Variants in SEC31A observed in about 807,000 individuals in gnomAD.
SEC31A encodes protein transport protein Sec31A.
In SEC31A, 70 loss-of-function variants were observed where a neutral mutation model predicts 151.0. That is an observed-to-expected ratio of 0.46 (90% CI 0.38 to 0.57). SEC31A has a LOEUF of 0.57. SEC31A is among the 20% of genes least tolerant of loss of function. The pLI, the probability that SEC31A is intolerant of heterozygous loss-of-function variation, is 0.00. For missense variants in SEC31A, 1,330 were observed against 1,471.2 expected (o/e 0.90, Z 1.57); for synonymous variants, 475 against 505.9 (o/e 0.94, Z 0.82).
chr4:82,883,755 G>A (rs1465830558), intron 1 of SEC31A, among the ~76,000 whole-genome samples: 1 of 151,778 alleles, frequency 6.6e-6, no homozygotes, highest in Non-Finnish European at 1.5e-5. Context: ...TTTGAGCCCG[G>A]GAAGTTGAGG....
At position 82,896,634 on chromosome 4, in the gene SEC31A, C is replaced by T. The variant is rs929566668; in HGVS notation, c.-2+3079G>A. Among the ~76,000 whole-genome samples, 3 of 152,280 alleles carry T rather than the reference C, an allele frequency of 2.0e-5. No homozygotes were observed. The East Asian group carries it at 5.8e-4, about 30-fold the overall frequency. On this transcript the variant is annotated intron_variant, in intron 3 of 28. Transcript: ENST00000355196. ...ATTAGCCAGGTGTGGTGGCACACGC[C>T]TGCAGTTCCAGCTACTTAGAGAAGC... is the stretch of plus-strand genomic sequence containing the variant.
At chr4:82,871,728 A>G (rs1222574252) in intron 7 of SEC31A, 1 of 577,344 alleles carries the variant, frequency 1.7e-6, no homozygotes, top group East Asian at 3.1e-5. Flanking sequence ...AATCCCAGCT[A>G]CTCAGGAGGC....
At chr4:82,819,953 G>A (rs1406653316) in intron 26 of SEC31A, among the ~76,000 whole-genome samples, 2 of 151,888 alleles carry the variant, frequency 1.3e-5, no homozygotes, top group Non-Finnish European at 2.9e-5. Flanking sequence ...GTAGAGACGG[G>A]GTTTTGCCAT....
At chr4:82,841,467 T>TATATATATATATATATATATATATATAC (rs1339344582) in intron 22 of SEC31A, among the ~76,000 whole-genome samples, 7 of 103,546 alleles carry the variant, frequency 6.8e-5, no homozygotes, top group South Asian at 3.5e-4. Flanking sequence ...TATATATATA[T>TATATATATATATATATATATATATATAC]ACACACACAC....
chr4:82,891,659 T>C (rs948770475), upstream of SEC31A, among the ~76,000 whole-genome samples: 6 of 152,246 alleles, frequency 3.9e-5, no homozygotes, highest in Non-Finnish European at 8.8e-5. Flanking sequence ...TGAGAACTTA[T>C]ACAAAGTGAA....
chr4:82,828,982 G>A lies in SEC31A; in HGVS notation c.3027+18C>T. 6.2e-7 allele frequency: 1 copy of A among 1,608,278 alleles called. No individual in the cohort carries two copies. The highest frequency in any genetic ancestry group is 8.5e-7 in the Non-Finnish European group (1 of 1,174,720). On this transcript the variant is annotated intron_variant, in intron 23 of 26. Coordinates refer to ENST00000395310, the MANE Select transcript of SEC31A (RefSeq NM_001077207.4). Reference sequence around the variant, plus strand: ...CATAACATCTGTAGGCCATTGGATGGACATCTTTTTCTAGTACCTTCTTCT... The same window carrying A: ...CATAACATCTGTAGGCCATTGGATGAACATCTTTTTCTAGTACCTTCTTCT...
intron 22 of SEC31A, among the ~76,000 whole-genome samples, chr4:82,840,738 T>C (rs1286585513): frequency 6.6e-6 from 1 of 152,220 alleles, no homozygotes; most frequent in Non-Finnish European, 1.5e-5. Flanking sequence ...GTTACTGTAC[T>C]GAACACAATA....
At chr4:82,847,571 T>C (rs867031803) in intron 20 of SEC31A, among the ~76,000 whole-genome samples, 70 of 152,278 alleles carry the variant, frequency 4.6e-4, no homozygotes, top group African/African-American at 1.5e-3. Flanking sequence ...GCTTGGGAGT[T>C]CTAATCCCAA....
chr4:82,879,514 A>G (rs1397617346), intron 3 of SEC31A, among the ~76,000 whole-genome samples: 1 of 152,216 alleles, frequency 6.6e-6, no homozygotes, highest in African/African-American at 2.4e-5. Context: ...TACCCCTACT[A>G]TTAGAGAATA....
At chr4:82,897,923 C>A (rs756852500) in intron 3 of SEC31A, 2 of 152,186 alleles carry the variant, frequency 1.3e-5, no homozygotes, top group African/African-American at 2.4e-5. Flanking sequence ...GGACAATCCT[C>A]CATTTCCAAC....
chr4:82,881,805 G>T, intron 2 of SEC31A, 53 bp downstream of exon 2: 1 of 1,340,044 alleles, frequency 7.5e-7, no homozygotes, highest in Non-Finnish European at 1.1e-6. Flanking sequence ...TAAGCTAGGT[G>T]CAGAAGAGAA....
chr4:82,878,934 G>C lies in SEC31A; in HGVS notation c.204-6C>G, dbSNP rs1415294025. On this transcript the variant is annotated splice_region_variant and splice_polypyrimidine_tract_variant and intron_variant, in intron 3 of 26. Transcript: ENST00000395310. ...CCCAAATCAACTTGTGGTACCTACA[G>C]GAGAAAATGAATAAAATCATTCATT... 1 of 1,598,504 alleles carries C rather than the reference G, an allele frequency of 6.3e-7. No individual in the cohort carries two copies.
In SEC31A at chr4:82,845,314, C is replaced by T. The variant is rs1729820719; in HGVS notation, c.2503-805G>A. 3 of 1,286,084 alleles carry T rather than the reference C, an allele frequency of 2.3e-6. No homozygotes were observed. The Admixed American group carries it at 9.0e-5, about 38-fold the overall frequency. The allele number at this position is 1,286,084 out of a possible 1,614,324, so 79.7% of individuals were successfully genotyped here. A position where few individuals can be genotyped will look rare whatever the true frequency, so the allele number is the denominator to read the frequency against. ...CTAACCTGAATTGAACAAAGAAATA[C>T]CAATCACAGAAAATAAAAAATGAAA... On this transcript the variant is annotated intron_variant, in intron 20 of 26. Transcript: ENST00000395310.
At position 82,880,901 on chromosome 4, in the gene SEC31A, T is replaced by A. The variant is rs773304856; in HGVS notation, c.101A>T (p.Asp34Val). 1 of 1,610,168 alleles carries A rather than the reference T, an allele frequency of 6.2e-7. No homozygotes were observed. Among genetic ancestry groups the A allele is most frequent in the Non-Finnish European group, 8.5e-7 (1 of 1,177,016 alleles). ...GGAAGCATTCGTACTAAATGTTGCA[T>A]CCAATTGCTGAGCAGATGTTCCTAT... ...LATGTSAQQL[D>V]ATFSTNASLE... Residue 34 changes from aspartate (D) to valine (V), a missense_variant, in exon 3 of 27, where the codon GAT (aspartate) becomes GTT (valine). Asp to Val is a radical substitution (Grantham distance 152, BLOSUM62 -3). Coordinates refer to ENST00000395310, the MANE Select transcript of SEC31A (RefSeq NM_001077207.4).
intron 14 of SEC31A, among the ~76,000 whole-genome samples, chr4:82,859,659 C>T (rs1733617337): frequency 6.6e-6 from 1 of 152,022 alleles, no homozygotes; most frequent in African/African-American, 2.4e-5. Context: ...AACCCTAATT[C>T]CCTTTCCCCA....
In SEC31A at chr4:82,851,507, C is replaced by T; in HGVS notation, c.2252G>A (p.Ser751Asn). 6.2e-7 allele frequency: 1 copy of T among 1,614,148 alleles called. No homozygotes were observed. The highest frequency in any genetic ancestry group is 1.1e-5 in the South Asian group (1 of 91,082). The change falls in exon 19 of 27, where the codon AGT becomes AAT. Residue 751 changes from serine (S) to asparagine (N), a missense_variant. Coordinates refer to ENST00000395310, the MANE Select transcript of SEC31A (RefSeq NM_001077207.4). ...AGCTGCCAACAAATTGGCATACTGACTCATCTTCGCAGCCAAGAGAACTCC... is the reference window on the plus strand; with the variant it reads ...AGCTGCCAACAAATTGGCATACTGATTCATCTTCGCAGCCAAGAGAACTCC... Reference protein sequence around the residue: ...TVGVLLAAKMSQYANLLAAQG... With the variant: ...TVGVLLAAKMNQYANLLAAQG...
rs147507710 is a variant in SEC31A, at chr4:82,859,614, A to G, written c.1627-1850T>C. On this transcript the variant is annotated intron_variant, in intron 14 of 26. Coordinates refer to ENST00000395310, the MANE Select transcript of SEC31A (RefSeq NM_001077207.4). ...ACTGCACCATCTGCAAATACACTTA[A>G]TTATTAATGTTGACTATTACAGGAG... Among the ~76,000 whole-genome samples, 905 of 152,220 alleles carry G rather than the reference A, an allele frequency of 5.9e-3. 5 individuals carry two copies. The highest frequency in any genetic ancestry group is 0.01 in the Non-Finnish European group (690 of 68,000).
intron 20 of SEC31A, chr4:82,845,230 G>A (rs1203160787): frequency 1.3e-6 from 2 of 1,534,772 alleles, no homozygotes; most frequent in Non-Finnish European, 1.7e-6. Context: ...GCTGCAGGTG[G>A]ATGGCTGGGA....
At chr4:82,889,704 A>G (rs1478174130) in intron 1 of SEC31A, among the ~76,000 whole-genome samples, 1 of 152,174 alleles carries the variant, frequency 6.6e-6, no homozygotes, top group East Asian at 1.9e-4. Flanking sequence ...TTCTATTCCC[A>G]TGTTATTGGT....
Sources: allele counts gnomAD v4.1 joint callset (sites outside exome capture counted in the v4.1 genomes callset), GRCh38; gene constraint gnomAD v4.1.1; transcripts MANE v1.5; gene names NCBI Gene and HGNC (gene_info 2026-07-23, HGNC 2026-07-21).